ZNF282: variants seen among roughly 807,000 people sequenced by gnomAD.
ZNF282 encodes the protein HTLV-I U5 repressive element-binding protein 1.
Under a neutral mutation model 61.9 loss-of-function variants are expected in ZNF282, and 30 were observed. The ratio of observed to expected loss-of-function variants is 0.48; its 90% CI spans 0.36 to 0.66. The LOEUF (loss-of-function observed/expected upper bound fraction) is 0.66, where lower values mean the gene tolerates loss of function less well. Ranked by LOEUF, ZNF282 falls within the 30% of genes least tolerant of loss-of-function variation. The pLI is 0.00. For missense variants in ZNF282, 788 were observed against 941.4 expected (o/e 0.84, Z 2.13); for synonymous variants, 396 against 405.0 (o/e 0.98, Z 0.27).
At position 149,224,071 on chromosome 7, in the gene ZNF282, C is replaced by T; in HGVS notation, c.1440C>T (p.Gly480=). ...CCGGGGGCGGCGGGGGCGATGGGGGCGGTGGGGGCGGCGGCGCGGAGGCGG... is the reference window on the plus strand; with the variant it reads ...CCGGGGGCGGCGGGGGCGATGGGGGTGGTGGGGGCGGCGGCGCGGAGGCGG... ...RSTGGGGGDG[G]GGGGGAEAGT... The change falls in exon 8 of 8, where the codon GGC becomes GGT. Residue 480 remains glycine, a synonymous_variant. Transcript: ENST00000610704. 4.7e-6 allele frequency: 4 copies of T among 852,836 alleles called. No homozygotes were observed. The highest frequency in any genetic ancestry group is 4.6e-6 in the Non-Finnish European group (3 of 650,862). 52.8% of individuals were successfully genotyped at this position (852,836 alleles called of 1,614,324 possible).
At chr7:149,197,175 G>A (rs574170987) in intron 1 of ZNF282, among the ~76,000 whole-genome samples, 1 of 152,338 alleles carries the variant, frequency 6.6e-6, no homozygotes, top group East Asian at 1.9e-4. Flanking sequence ...CCCTTCTGGG[G>A]TGAGGGCTCT....
At chr7:149,220,563 G>T (rs1007702596) in intron 7 of ZNF282, among the ~76,000 whole-genome samples, 4 of 152,154 alleles carry the variant, frequency 2.6e-5, no homozygotes, top group African/African-American at 9.7e-5. Context: ...CCTCGGTGTG[G>T]CTTCATCCCC....
At position 149,223,851 on chromosome 7, in the gene ZNF282, C is replaced by T. The variant is rs1053148348; in HGVS notation, c.1220C>T (p.Pro407Leu). The T allele has an allele frequency of 3.4e-6, 5 of 1,460,954 alleles. No individual in the cohort carries two copies. The African/African-American group carries it at 7.3e-5, about 21-fold the overall frequency. The allele number at this position is 1,460,954 out of a possible 1,614,324, so 90.5% of individuals were successfully genotyped here. ...ATGGTGAAGAACCCACCCCCGGCCC[C>T]GCCACAGCCCCAGCCCCAGCCCCAG... Reference protein sequence around the residue: ...LLMVKNPPPAPPQPQPQPQPP... With the variant: ...LLMVKNPPPALPQPQPQPQPP... The change falls in exon 8 of 8, where the codon CCG (proline) becomes CTG (leucine). Residue 407 changes from proline to leucine, a missense_variant. Transcript: ENST00000610704.
intron 6 of ZNF282, among the ~76,000 whole-genome samples, chr7:149,212,878 G>A (rs956833616): frequency 1.3e-5 from 2 of 152,082 alleles, no homozygotes; most frequent in African/African-American, 2.4e-5. Context: ...CACCGCGTCC[G>A]GCCATTCAGC....
chr7:149,205,007 A>G (rs971426177), intron 2 of ZNF282, among the ~76,000 whole-genome samples: 1 of 152,208 alleles, frequency 6.6e-6, no homozygotes, highest in Non-Finnish European at 1.5e-5. Context: ...ACACACCTAT[A>G]GTCCCAGCTA....
chr7:149,202,563 C>T (rs1481152453), intron 2 of ZNF282, among the ~76,000 whole-genome samples: 1 of 152,108 alleles, frequency 6.6e-6, no homozygotes, highest in Non-Finnish European at 1.5e-5. Context: ...ATCTGCCCGC[C>T]TTGGCTTCCC....
At position 149,198,228 on chromosome 7, in the gene ZNF282, A is replaced by G; in HGVS notation, c.166-105A>G. ...CTGAGTTACGGGGGCCTGGCAGAAGAAAGACGACATGTAGCATCTGATTAG... is the reference window on the plus strand; with the variant it reads ...CTGAGTTACGGGGGCCTGGCAGAAGGAAGACGACATGTAGCATCTGATTAG... On this transcript the variant is annotated intron_variant, in intron 1 of 7. Coordinates refer to ENST00000610704, the MANE Select transcript of ZNF282 (RefSeq NM_003575.4). This position sits in a 1 kb window ranked among gnomAD's most constrained non-coding sequence, Gnocchi z 4.3. 1 of 1,375,786 alleles carries G rather than the reference A, an allele frequency of 7.3e-7. No individual in the cohort carries two copies. Among genetic ancestry groups the G allele is most frequent in the East Asian group, 2.3e-5 (1 of 43,016 alleles). 85.2% of individuals were successfully genotyped at this position (1,375,786 alleles called of 1,614,324 possible).
chr7:149,212,174 C>T, intron 5 of ZNF282, 184 bp from the exon 6 acceptor site: 1 of 500,448 alleles, frequency 2.0e-6, no homozygotes, highest in East Asian at 3.4e-5. Flanking sequence ...CTCTTATTTG[C>T]AGCAAAAGCT....
intron 3 of ZNF282, 100 bp from the exon 4 acceptor site, chr7:149,207,251 A>T (rs6464946): frequency 0.63 from 908,001 of 1,443,314 alleles, 291,292 homozygotes; most frequent in East Asian, 0.93. Flanking sequence ...GACACCCAGG[A>T]GGAGAGGGGG....
At chr7:149,210,079 A>G (rs556026502) in intron 4 of ZNF282, among the ~76,000 whole-genome samples, 10 of 152,186 alleles carry the variant, frequency 6.6e-5, no homozygotes, top group Admixed American at 2.0e-4. Context: ...GTCCAACAAT[A>G]GAGCTTAGTT....
At chr7:149,202,819 G>A (rs185574953) in intron 2 of ZNF282, among the ~76,000 whole-genome samples, 1 of 152,274 alleles carries the variant, frequency 6.6e-6, no homozygotes, top group African/African-American at 2.4e-5. Flanking sequence ...CAACCAGAGT[G>A]TAAATTCTGC....
intron 7 of ZNF282, among the ~76,000 whole-genome samples, chr7:149,220,372 A>G (rs1264288594): frequency 1.3e-5 from 2 of 152,160 alleles, no homozygotes; most frequent in Non-Finnish European, 1.5e-5. Flanking sequence ...AGATCGCGCC[A>G]CTGCACTCCA....
intron 2 of ZNF282, among the ~76,000 whole-genome samples, chr7:149,204,304 C>T (rs1161437546): frequency 2.0e-5 from 3 of 152,134 alleles, no homozygotes; most frequent in Non-Finnish European, 4.4e-5. Flanking sequence ...TGATGATCTT[C>T]CAGAGTGTGG....
At chr7:149,204,138 G>A (rs1056075212) in intron 2 of ZNF282, among the ~76,000 whole-genome samples, 14 of 152,138 alleles carry the variant, frequency 9.2e-5, no homozygotes, top group African/African-American at 2.7e-4. Context: ...TGGGAGGCAC[G>A]TGGTCTTGGG....
intron 2 of ZNF282, among the ~76,000 whole-genome samples, chr7:149,200,444 C>G (rs1193205961): frequency 6.6e-6 from 1 of 152,160 alleles, no homozygotes; most frequent in Non-Finnish European, 1.5e-5. Context: ...TCCTACCTCA[C>G]CAGCTGCTGT....
intron 2 of ZNF282, among the ~76,000 whole-genome samples, chr7:149,199,221 C>T (rs1409144548): frequency 2.0e-5 from 3 of 152,274 alleles, no homozygotes; most frequent in South Asian, 2.1e-4. Context: ...ATGCACACTC[C>T]GTATCTTACT....
rs778122687 is a variant in ZNF282 at position 149,224,579 on chromosome 7, C to T, written c.1948C>T (p.Arg650Cys). The T allele has an allele frequency of 1.3e-6, 2 of 1,596,642 alleles. No homozygotes were observed. Among genetic ancestry groups the T allele is most frequent in the Non-Finnish European group, 1.7e-6 (2 of 1,174,918 alleles). The change falls in exon 8 of 8, where the codon CGC (arginine) becomes TGC (cysteine). Residue 650 changes from arginine to cysteine, a missense_variant. Arg to Cys is a radical substitution (Grantham distance 180, BLOSUM62 -3). Transcript: ENST00000610704. ...CAAGGAGTCGCTCAAGGACCACCTG[C>T]GCGTGCACAGCGGCGGCCCGGGCCC... ...RYKESLKDHL[R>C]VHSGGPGPGA...
chr7:149,215,289 G>A (rs146368562), intron 7 of ZNF282, among the ~76,000 whole-genome samples: 1 of 133,322 alleles, frequency 7.5e-6, no homozygotes, highest in African/African-American at 2.7e-5. Context: ...CACAACCTCC[G>A]CCTTCTGGGT....
Position 149,223,967 on chromosome 7 carries a change from G to A in ZNF282, c.1336G>A (p.Gly446Arg), listed in dbSNP as rs1239958214. 2 of 1,291,984 alleles carry A rather than the reference G, an allele frequency of 1.5e-6. No homozygotes were observed. The highest frequency in any genetic ancestry group is 1.6e-5 in the African/African-American group (1 of 64,404). The allele number at this position is 1,291,984 out of a possible 1,614,324, so 80.0% of individuals were successfully genotyped here. The change falls in exon 8 of 8, where the codon GGG becomes AGG. Residue 446 changes from glycine to arginine, a missense_variant. Gly to Arg is a moderately radical substitution (Grantham distance 125). Transcript: ENST00000610704. ...GAACCCGGGCGGCCCCCCGAGCCGAGGGCTGCTGGACGACGGTTTCCAGGT... is the reference window on the plus strand; with the variant it reads ...GAACCCGGGCGGCCCCCCGAGCCGAAGGCTGCTGGACGACGGTTTCCAGGT... ...AENPGGPPSR[G>R]LLDDGFQVLP...
Sources: gnomAD v4.1 joint callset for allele counts (sites outside exome capture counted in the v4.1 genomes callset) on GRCh38, gnomAD v4.1.1 for gene constraint, Gnocchi (gnomAD v3.1) non-coding constraint, MANE v1.5 for transcripts, NCBI Gene and HGNC (gene_info 2026-07-23, HGNC 2026-07-21) for gene names.